Variants in SH3BGRL2 observed in about 807,000 individuals in gnomAD.
The protein encoded by SH3BGRL2 is SH3 domain-binding glutamic acid-rich-like protein 2.
In SH3BGRL2, 21 loss-of-function variants were observed where a neutral mutation model predicts 14.8. The observed-to-expected ratio is 1.42, with a 90% CI of 1.01 to 2.05. The LOEUF (loss-of-function observed/expected upper bound fraction) is 2.05. Among genes scored for constraint, SH3BGRL2 ranks in the 30% most tolerant of loss-of-function variants. The probability of loss-of-function intolerance (pLI) is 0.00; values close to 1 mark genes in which losing one functional copy is unlikely to be tolerated. For missense variants in SH3BGRL2, 147 were observed against 130.8 expected (o/e 1.12, Z -0.61); for synonymous variants, 50 against 47.8 (o/e 1.05, Z -0.19).
upstream of SH3BGRL2, among the ~76,000 whole-genome samples, chr6:79,629,809 CAG>C (rs1229302739): frequency 1.3e-5 from 2 of 152,252 alleles, no homozygotes; most frequent in East Asian, 3.9e-4. Flanking sequence ...GCTCTGCTGA[CAG>C]AGAAATGACT....
the SH3BGRL2 span, among the ~76,000 whole-genome samples, chr6:79,596,080 G>A: frequency 4.6e-3 from 695 of 152,180 alleles, 9 homozygotes; most frequent in African/African-American, 0.016. Flanking sequence ...AGCATCAGAA[G>A]AACAAAATAT....
intron 1 of SH3BGRL2, among the ~76,000 whole-genome samples, chr6:79,648,283 T>TATATATATATATATATA (rs1769187646): frequency 1.6e-5 from 2 of 128,418 alleles, no homozygotes; most frequent in Non-Finnish European, 3.3e-5. Flanking sequence ...TATATATATA[T>TATATATATATATATATA]TTGACATATA....
chr6:79,654,815 A>G (rs760300867), intron 1 of SH3BGRL2, among the ~76,000 whole-genome samples: 3 of 151,990 alleles, frequency 2.0e-5, no homozygotes, highest in Non-Finnish European at 2.9e-5. Flanking sequence ...TTAAGGTTTG[A>G]TCCCTTTTAC....
At chr6:79,670,972 T>A (rs1769759804) in intron 1 of SH3BGRL2, among the ~76,000 whole-genome samples, 1 of 149,436 alleles carries the variant, frequency 6.7e-6, no homozygotes, top group Non-Finnish European at 1.5e-5. Context: ...AACTGTGTCA[T>A]GTGATTAACA....
At chr6:79,550,949 A>G in the SH3BGRL2 span, among the ~76,000 whole-genome samples, 1 of 152,144 alleles carries the variant, frequency 6.6e-6, no homozygotes, top group South Asian at 2.1e-4. Context: ...ATATTTTCTC[A>G]CAAAACCAGC....
At chr6:79,560,634 T>C in the SH3BGRL2 span, among the ~76,000 whole-genome samples, 2 of 152,264 alleles carry the variant, frequency 1.3e-5, no homozygotes, top group South Asian at 2.1e-4. Context: ...AAAAATTTAA[T>C]TTATTGAGTT....
At chr6:79,645,741 T>C (rs956966283) in intron 1 of SH3BGRL2, among the ~76,000 whole-genome samples, 3 of 152,220 alleles carry the variant, frequency 2.0e-5, no homozygotes, top group Non-Finnish European at 2.9e-5. Flanking sequence ...AAATGGTTAT[T>C]AGTTGTTTGC....
At chr6:79,563,346 C>G in the SH3BGRL2 span, among the ~76,000 whole-genome samples, 1 of 150,944 alleles carries the variant, frequency 6.6e-6, no homozygotes, top group African/African-American at 2.4e-5. Context: ...CTCCTGACCT[C>G]GTTAACCCCC....
the SH3BGRL2 span, among the ~76,000 whole-genome samples, chr6:79,591,273 T>C: frequency 6.6e-6 from 1 of 152,222 alleles, no homozygotes; most frequent in Non-Finnish European, 1.5e-5. Flanking sequence ...AGTGTATCAG[T>C]AATTATCAAC....
Position 79,673,683 on chromosome 6 carries a change from A to T in SH3BGRL2, c.115A>T (p.Ile39Phe). The change falls in exon 2 of 4, where the codon ATC (isoleucine) becomes TTC (phenylalanine). Residue 39 changes from isoleucine (I) to phenylalanine (F), a missense_variant. Coordinates refer to ENST00000369838, the MANE Select transcript of SH3BGRL2 (RefSeq NM_031469.4). ...CAAGATAGAGTTTGAGGAGGTGGATATCACAATGTCAGAAGAACAGAGGCA... is the reference window on the plus strand; with the variant it reads ...CAAGATAGAGTTTGAGGAGGTGGATTTCACAATGTCAGAAGAACAGAGGCA... ...ANKIEFEEVD[I>F]TMSEEQRQWM... 1.9e-6 allele frequency: 3 copies of T among 1,614,208 alleles called. No individual in the cohort carries two copies. Among genetic ancestry groups the T allele is most frequent in the Non-Finnish European group, 2.5e-6 (3 of 1,180,020 alleles).
At chr6:79,552,187 G>T in the SH3BGRL2 span, among the ~76,000 whole-genome samples, 61 of 152,232 alleles carry the variant, frequency 4.0e-4, no homozygotes, top group Non-Finnish European at 1.0e-4. Flanking sequence ...CTTATGAGGA[G>T]AAAGTTACTG....
chr6:79,546,358 C>G, the SH3BGRL2 span, among the ~76,000 whole-genome samples: 1 of 152,280 alleles, frequency 6.6e-6, no homozygotes, highest in African/African-American at 2.4e-5. Context: ...ATCGTGGCTA[C>G]TGCCCAAAGC....
the SH3BGRL2 span, among the ~76,000 whole-genome samples, chr6:79,542,315 T>C: frequency 2.0e-5 from 3 of 151,852 alleles, no homozygotes; most frequent in African/African-American, 7.3e-5. Flanking sequence ...TTGCCCAGGC[T>C]GGAGTGCAAT....
intron 1 of SH3BGRL2, among the ~76,000 whole-genome samples, chr6:79,651,384 G>C (rs996946776): frequency 2.6e-5 from 4 of 152,270 alleles, no homozygotes; most frequent in Admixed American, 6.5e-5. Flanking sequence ...ATGCTTGGCT[G>C]ACTTTTTTCT....
intron 1 of SH3BGRL2, among the ~76,000 whole-genome samples, chr6:79,638,422 A>G (rs1405854484): frequency 1.3e-5 from 2 of 152,142 alleles, no homozygotes; most frequent in South Asian, 4.1e-4. Context: ...GAGTGCAGAT[A>G]CCTTTTTAAT....
the SH3BGRL2 span, among the ~76,000 whole-genome samples, chr6:79,548,741 G>T: frequency 6.6e-6 from 1 of 152,128 alleles, no homozygotes; most frequent in Non-Finnish European, 1.5e-5. Flanking sequence ...CTAGGAGTGG[G>T]ACATAATTAC....
At chr6:79,586,863 G>C in the SH3BGRL2 span, among the ~76,000 whole-genome samples, 133 of 152,274 alleles carry the variant, frequency 8.7e-4, no homozygotes, top group African/African-American at 2.9e-3. Context: ...TTCTGAATGG[G>C]TGCAGGACAA....
At chr6:79,622,021 GA>G in the SH3BGRL2 span, among the ~76,000 whole-genome samples, 1 of 152,116 alleles carries the variant, frequency 6.6e-6, no homozygotes, top group Non-Finnish European at 1.5e-5. Context: ...TGGCAGAATG[GA>G]AAGTGGAGTG....
upstream of SH3BGRL2, among the ~76,000 whole-genome samples, chr6:79,630,239 T>C (rs1768797014): frequency 6.6e-6 from 1 of 152,186 alleles, no homozygotes; most frequent in Non-Finnish European, 1.5e-5. Flanking sequence ...TTCTAAAAAA[T>C]ACTTCATAAT....
Sources: gnomAD v4.1 joint callset for allele counts (sites outside exome capture counted in the v4.1 genomes callset) on GRCh38, gnomAD v4.1.1 for gene constraint, MANE v1.5 for transcripts, NCBI Gene and HGNC (gene_info 2026-07-23, HGNC 2026-07-21) for gene names.